The following OLA1 variants were observed in gnomAD, a reference collection of about 807,000 sequenced individuals.
OLA1 encodes the protein Obg like ATPase 1.
A neutral mutation model predicts 48.4 loss-of-function variants in OLA1; 14 were observed. The ratio of observed to expected loss-of-function variants is 0.29; its 90% CI spans 0.19 to 0.45. The LOEUF is 0.45. Ranked by LOEUF, OLA1 falls within the 20% of genes least tolerant of loss-of-function variation. The pLI is 1.00. For missense variants in OLA1, 325 were observed against 467.1 expected (o/e 0.70, Z 2.80); for synonymous variants, 127 against 150.4 (o/e 0.84, Z 1.14).
At chr2:174,233,849 A>G (rs758859866) in intron 2 of OLA1, among the ~76,000 whole-genome samples, 1 of 152,194 alleles carries the variant, frequency 6.6e-6, no homozygotes, top group Non-Finnish European at 1.5e-5. Context: ...GAAGACTAAA[A>G]CACAACATGG....
chr2:174,234,531 A>G (rs901743464), intron 2 of OLA1, among the ~76,000 whole-genome samples: 1 of 152,034 alleles, frequency 6.6e-6, no homozygotes. Context: ...TGGCATGAAC[A>G]TGGCTCACTG....
At chr2:174,129,389 C>T (rs7602384) in intron 5 of OLA1, among the ~76,000 whole-genome samples, 3,803 of 151,712 alleles carry the variant, frequency 0.025, 148 homozygotes, top group African/African-American at 0.085. Context: ...ACCCGGGAGG[C>T]GGAGCTTGCA....
intron 7 of OLA1, among the ~76,000 whole-genome samples, chr2:174,097,105 G>A (rs1685274477): frequency 1.3e-5 from 2 of 152,106 alleles, no homozygotes; most frequent in Admixed American, 6.5e-5. Context: ...GCAGTGAGCC[G>A]AGATCGCACC....
At chr2:174,196,031 A>C (rs1211721180) in intron 4 of OLA1, among the ~76,000 whole-genome samples, 1 of 152,142 alleles carries the variant, frequency 6.6e-6, no homozygotes, top group African/African-American at 2.4e-5. Context: ...AAAAAAACTC[A>C]ATTACTTAGA....
intron 7 of OLA1, among the ~76,000 whole-genome samples, chr2:174,113,841 T>C (rs1244067350): frequency 1.3e-5 from 2 of 152,296 alleles, no homozygotes; most frequent in South Asian, 2.1e-4. Flanking sequence ...ACCACTTACC[T>C]GCTCCAAGAA....
At chr2:174,130,349 C>T (rs1030378919) in intron 5 of OLA1, among the ~76,000 whole-genome samples, 8 of 152,136 alleles carry the variant, frequency 5.3e-5, no homozygotes, top group Non-Finnish European at 1.0e-4. Context: ...CATGACTATG[C>T]GTGTATGGGG....
rs551620043 is a variant in OLA1 at position 174,094,306 on chromosome 2, A to G, written c.729-12242T>C. 3.9e-5 allele frequency among the ~76,000 whole-genome samples: 6 copies of G among 152,374 alleles called. No homozygotes were observed. The South Asian group carries it at 1.0e-3, about 26-fold the overall frequency. ...AGATTAGAGAGCTAAGTAAATGGAA[A>G]GACATCCATGTGAGTAAACTGAAAG... On this transcript the variant is annotated intron_variant, in intron 7 of 10. Coordinates refer to ENST00000284719, the MANE Select transcript of OLA1 (RefSeq NM_013341.5).
intron 4 of OLA1, among the ~76,000 whole-genome samples, chr2:174,145,017 G>A (rs549302838): frequency 7.7e-6 from 1 of 130,166 alleles, no homozygotes; most frequent in South Asian, 2.6e-4. Flanking sequence ...AACTCAGAAA[G>A]GTTTGCTGAT....
intron 7 of OLA1, among the ~76,000 whole-genome samples, chr2:174,084,320 C>T (rs1301550938): frequency 1.3e-5 from 2 of 152,118 alleles, no homozygotes; most frequent in East Asian, 1.9e-4. Flanking sequence ...AAAAAGGTAC[C>T]GTAGCACTCT....
chr2:174,247,048 G>A (rs1187000313), intron 1 of OLA1: 1 of 299,222 alleles, frequency 3.3e-6, no homozygotes, highest in African/African-American at 2.2e-5. Context: ...GTCCCAGAAA[G>A]ACTGATCTAA....
intron 4 of OLA1, among the ~76,000 whole-genome samples, chr2:174,177,226 C>G (rs1411932349): frequency 6.6e-6 from 1 of 152,152 alleles, no homozygotes; most frequent in Non-Finnish European, 1.5e-5. Flanking sequence ...CCCAATGGTT[C>G]TTTTCACAGC....
intron 4 of OLA1, among the ~76,000 whole-genome samples, chr2:174,166,695 A>G (rs1452002273): frequency 6.6e-6 from 1 of 152,200 alleles, no homozygotes; most frequent in Non-Finnish European, 1.5e-5. Context: ...CTGTTCTGTA[A>G]TAACACAGAT....
intron 4 of OLA1, among the ~76,000 whole-genome samples, chr2:174,156,267 C>G (rs1281112357): frequency 6.6e-6 from 1 of 152,066 alleles, no homozygotes; most frequent in Admixed American, 6.6e-5. Flanking sequence ...AATGGCACCC[C>G]CTGGCCTCTA....
intron 4 of OLA1, among the ~76,000 whole-genome samples, chr2:174,203,079 A>G (rs952413001): frequency 3.3e-5 from 5 of 152,186 alleles, no homozygotes; most frequent in Non-Finnish European, 7.3e-5. Context: ...GATTTAATAA[A>G]ATATTATCGA....
chr2:174,121,731 A>G (rs1412410734), intron 7 of OLA1, among the ~76,000 whole-genome samples: 1 of 152,240 alleles, frequency 6.6e-6, no homozygotes, highest in Non-Finnish European at 1.5e-5. Context: ...GTCTGGCGAC[A>G]GCTAAATCAC....
At chr2:174,109,171 A>G (rs1449634412) in intron 7 of OLA1, among the ~76,000 whole-genome samples, 1 of 152,222 alleles carries the variant, frequency 6.6e-6, no homozygotes. Context: ...GTAAGAAAGT[A>G]GGTATTATTA....
chr2:174,095,325 G>GTT (rs1205716344), intron 7 of OLA1, among the ~76,000 whole-genome samples: 3,036 of 77,688 alleles, frequency 0.039, 53 homozygotes, highest in Middle Eastern at 0.057. Context: ...GTTATTTCCT[G>GTT]TTTTTTTTTT....
At chr2:174,243,945 G>T (rs2105468132) in intron 2 of OLA1, among the ~76,000 whole-genome samples, 1 of 152,156 alleles carries the variant, frequency 6.6e-6, no homozygotes, top group Middle Eastern at 3.4e-3. Context: ...TCTATATCTT[G>T]TAGATCTATA....
intron 5 of OLA1, among the ~76,000 whole-genome samples, chr2:174,140,767 G>C (rs1414338564): frequency 6.6e-6 from 1 of 152,030 alleles, no homozygotes; most frequent in African/African-American, 2.4e-5. Flanking sequence ...AGGCACCAAG[G>C]AGTTAACACT....
Sources: gnomAD v4.1 joint callset for allele counts (sites outside exome capture counted in the v4.1 genomes callset) on GRCh38, gnomAD v4.1.1 for gene constraint, MANE v1.5 for transcripts, NCBI Gene and HGNC (gene_info 2026-07-23, HGNC 2026-07-21) for gene names.